EYS: variants seen among roughly 807,000 people sequenced by gnomAD.
The protein encoded by EYS is protein eyes shut homolog.
In EYS, 250 loss-of-function variants were observed where a neutral mutation model predicts 282.1. That is an observed-to-expected ratio of 0.89 (90% CI 0.80 to 0.98). EYS has a LOEUF of 0.98. EYS is among the 50% of genes least tolerant of loss of function. EYS has a pLI of 0.00. For synonymous variants in EYS, 1,355 were observed against 1,282.9 expected, an observed-to-expected ratio of 1.06 and a Z score of -1.20; for missense variants, 4,016 against 3,709.0, an observed-to-expected ratio of 1.08 and a Z score of -2.15.
intron 34 of EYS, among the ~76,000 whole-genome samples, chr6:63,988,103 T>C (rs1325100547): frequency 6.6e-6 from 1 of 151,648 alleles, no homozygotes; most frequent in East Asian, 1.9e-4. Context: ...GGTGTATCAA[T>C]AGAGCTGTCA....
intron 26 of EYS, among the ~76,000 whole-genome samples, chr6:64,565,287 T>G (rs1765529280): frequency 6.6e-6 from 1 of 152,204 alleles, no homozygotes; most frequent in South Asian, 2.1e-4. Context: ...AAGTGTTTTT[T>G]TTCTGTTTAT....
intron 31 of EYS, among the ~76,000 whole-genome samples, chr6:64,115,401 A>C (rs914931374): frequency 1.3e-5 from 2 of 152,176 alleles, no homozygotes; most frequent in Non-Finnish European, 2.9e-5. Context: ...CACTGTGAGC[A>C]TGCTCATAAG....
At chr6:64,307,217 A>G in intron 29 of EYS, 135 bp from the exon 30 acceptor site, 1 of 547,250 alleles carries the variant, frequency 1.8e-6, no homozygotes, top group Non-Finnish European at 3.2e-6. Context: ...TATTTATAGT[A>G]CAGTAATTCA....
chr6:65,130,847 ATAAT>A (rs1554158322), intron 12 of EYS, among the ~76,000 whole-genome samples: 4 of 151,620 alleles, frequency 2.6e-5, no homozygotes, highest in South Asian at 2.1e-4. Context: ...CTAAAAAAAA[ATAAT>A]TAATAAGTTG....
chr6:65,634,276 G>T (rs1767014885), intron 2 of EYS, among the ~76,000 whole-genome samples: 2 of 152,072 alleles, frequency 1.3e-5, no homozygotes, highest in African/African-American at 4.8e-5. Context: ...GGACTTCGTG[G>T]ATCTATAAAG....
intron 15 of EYS, among the ~76,000 whole-genome samples, chr6:64,944,918 T>C (rs964238136): frequency 6.6e-6 from 1 of 152,048 alleles, no homozygotes; most frequent in Non-Finnish European, 1.5e-5. Context: ...CATAGTACCT[T>C]CCCTTGAACT....
chr6:64,251,730 C>T (rs1767225224), intron 30 of EYS, among the ~76,000 whole-genome samples: 1 of 151,998 alleles, frequency 6.6e-6, no homozygotes, highest in South Asian at 2.1e-4. Context: ...TCATCGTGTG[C>T]CTAGTATGTG....
At chr6:65,452,685 G>C (rs1764449569) in intron 5 of EYS, among the ~76,000 whole-genome samples, 1 of 152,034 alleles carries the variant, frequency 6.6e-6, no homozygotes, top group Non-Finnish European at 1.5e-5. Flanking sequence ...TTGTAGTAAA[G>C]AGCTTTCTGT....
intron 31 of EYS, among the ~76,000 whole-genome samples, chr6:64,209,835 G>GT (rs796730977): frequency 1.1e-4 from 17 of 152,130 alleles, no homozygotes; most frequent in African/African-American, 4.1e-4. Context: ...TTGTGGCTCT[G>GT]TTTTTTAATG....
chr6:64,494,509 C>T (rs1237345251), intron 26 of EYS, among the ~76,000 whole-genome samples: 1 of 151,596 alleles, frequency 6.6e-6, no homozygotes. Flanking sequence ...CTAATATCTA[C>T]TCCTTTCTCT....
intron 12 of EYS, among the ~76,000 whole-genome samples, chr6:65,144,763 T>G (rs977007496): frequency 6.6e-6 from 1 of 151,046 alleles, no homozygotes; most frequent in Admixed American, 6.7e-5. Flanking sequence ...CCCATTAGTT[T>G]ACTTACTTTT....
chr6:64,931,923 A>C (rs1768739822), intron 15 of EYS, among the ~76,000 whole-genome samples: 1 of 152,158 alleles, frequency 6.6e-6, no homozygotes, highest in Admixed American at 6.6e-5. Context: ...CAATAAGATG[A>C]AAATAAAATA....
chr6:64,048,050 T>C (rs902643862), intron 33 of EYS, among the ~76,000 whole-genome samples: 2 of 152,108 alleles, frequency 1.3e-5, no homozygotes, highest in Admixed American at 6.6e-5. Context: ...GGATTGCAGA[T>C]GCATGCCATC....
At chr6:65,606,010 A>G (rs1765775403) in intron 2 of EYS, among the ~76,000 whole-genome samples, 1 of 151,670 alleles carries the variant, frequency 6.6e-6, no homozygotes, top group South Asian at 2.1e-4. Context: ...TTGAGGAAAT[A>G]TTTCACATCA....
intron 22 of EYS, among the ~76,000 whole-genome samples, chr6:64,801,052 T>A (rs745359476): frequency 2.6e-5 from 4 of 152,076 alleles, no homozygotes; most frequent in Non-Finnish European, 5.9e-5. Context: ...TTCTTTTAAC[T>A]AATTCTACTT....
At chr6:65,241,315 A>G (rs1041428193) in intron 12 of EYS, among the ~76,000 whole-genome samples, 3 of 152,144 alleles carry the variant, frequency 2.0e-5, no homozygotes, top group African/African-American at 7.2e-5. Context: ...TCTGTTACAT[A>G]TAATGATTGA....
At chr6:64,829,478 C>A (rs960968983) in intron 19 of EYS, among the ~76,000 whole-genome samples, 16 of 151,918 alleles carry the variant, frequency 1.1e-4, no homozygotes, top group Non-Finnish European at 2.2e-4. Flanking sequence ...GATGTTTGGC[C>A]AGAATAACTA....
At chr6:63,904,530 G>A (rs1222515482) in intron 35 of EYS, among the ~76,000 whole-genome samples, 1 of 152,196 alleles carries the variant, frequency 6.6e-6, no homozygotes, top group East Asian at 1.9e-4. Flanking sequence ...AATAGGGGAA[G>A]TCTTTCAAAA....
rs375002739 is a variant in EYS at position 64,346,667 on chromosome 6, C to T, written c.6079-39585G>A. ...TGTATACATATGTAACAAACCTGCA[C>T]GTTGGGCGCATGTACCCTAAAACTT... On this transcript the variant is annotated intron_variant, in intron 29 of 42. Coordinates refer to ENST00000503581, the MANE Select transcript of EYS (RefSeq NM_001142800.2). Among the ~76,000 whole-genome samples, 10 of 151,628 alleles carry T rather than the reference C, an allele frequency of 6.6e-5. No individual in the cohort carries two copies. In the South Asian group the frequency reaches 8.3e-4, roughly 13 times the overall value.
Sources: allele counts gnomAD v4.1 joint callset (sites outside exome capture counted in the v4.1 genomes callset), GRCh38; gene constraint gnomAD v4.1.1; transcripts MANE v1.5; gene names NCBI Gene and HGNC (gene_info 2026-07-23, HGNC 2026-07-21).